GRID2: variants seen among roughly 807,000 people sequenced by gnomAD.
GRID2 encodes glutamate ionotropic receptor delta type subunit 2.
Under a neutral mutation model 114.8 loss-of-function variants are expected in GRID2, and 33 were observed. The observed-to-expected ratio is 0.29, with a 90% CI of 0.22 to 0.38. GRID2 has a LOEUF of 0.38. GRID2 is among the 10% of genes least tolerant of loss of function. GRID2 has a pLI of 1.00. For synonymous variants in GRID2, 505 were observed against 449.9 expected (o/e 1.12, Z -1.55); for missense variants, 1,184 against 1,257.7 (o/e 0.94, Z 0.89).
chr4:93,015,722 G>C (rs1050844043), intron 2 of GRID2, among the ~76,000 whole-genome samples: 21 of 151,942 alleles, frequency 1.4e-4, no homozygotes, highest in Admixed American at 1.3e-3. Context: ...CTAAACTCAA[G>C]CTCCTTTAAG....
intron 1 of GRID2, among the ~76,000 whole-genome samples, chr4:92,372,517 A>G (rs755631644): frequency 5.3e-5 from 8 of 152,218 alleles, no homozygotes; most frequent in Admixed American, 3.3e-4. Flanking sequence ...TTTAAAATTA[A>G]GGTATTTAAA....
At chr4:92,456,640 GATCTA>G (rs1360234674) in intron 1 of GRID2, among the ~76,000 whole-genome samples, 1 of 152,050 alleles carries the variant, frequency 6.6e-6, no homozygotes, top group African/African-American at 2.4e-5. Flanking sequence ...AATCTAAAAA[GATCTA>G]ATCTATGTAT....
chr4:93,199,395 T>C (rs1741844859), intron 4 of GRID2, among the ~76,000 whole-genome samples: 1 of 152,208 alleles, frequency 6.6e-6, no homozygotes, highest in Non-Finnish European at 1.5e-5. Flanking sequence ...GCAGTCTATC[T>C]CTTGCATTAC....
chr4:92,423,883 A>G (rs1292443036), intron 1 of GRID2, among the ~76,000 whole-genome samples: 1 of 152,118 alleles, frequency 6.6e-6, no homozygotes, highest in Non-Finnish European at 1.5e-5. Flanking sequence ...ACAATTAGTC[A>G]AATTGTTAGA....
intron 13 of GRID2, among the ~76,000 whole-genome samples, chr4:93,530,029 C>T (rs1731290370): frequency 1.3e-5 from 2 of 152,102 alleles, no homozygotes; most frequent in African/African-American, 2.4e-5. Flanking sequence ...ATTTTCATTG[C>T]CTTCATCTTT....
Position 92,485,049 on chromosome 4 carries a change from AT to A in GRID2, c.89-105078del, listed in dbSNP as rs556114746. 1.1e-4 allele frequency among the ~76,000 whole-genome samples: 17 copies of A among 151,418 alleles called. No individual in the cohort carries two copies. The South Asian group carries it at 3.1e-3, about 28-fold the overall frequency. ...TTTAAGTGGCTGCTACAGGCAGGTCATTTTGTTATTGTTATTTTTATAATTT... is the reference window on the plus strand; with the variant it reads ...TTTAAGTGGCTGCTACAGGCAGGTCATTTGTTATTGTTATTTTTATAATTT... On this transcript the variant is annotated intron_variant, in intron 1 of 15. Coordinates refer to ENST00000282020, the MANE Select transcript of GRID2 (RefSeq NM_001510.4).
intron 12 of GRID2, among the ~76,000 whole-genome samples, chr4:93,498,591 A>G (rs1727789292): frequency 6.6e-6 from 1 of 151,758 alleles, no homozygotes; most frequent in Non-Finnish European, 1.5e-5. Context: ...TCTTACTTCT[A>G]GGGGTTTTTG....
intron 14 of GRID2, among the ~76,000 whole-genome samples, chr4:93,742,728 G>T (rs1731522636): frequency 6.6e-6 from 1 of 152,142 alleles, no homozygotes; most frequent in South Asian, 2.1e-4. Flanking sequence ...CAGTCAATAA[G>T]TGTTATGTGG....
intron 2 of GRID2, among the ~76,000 whole-genome samples, chr4:93,022,027 G>A (rs1286833132): frequency 1.3e-5 from 2 of 151,290 alleles, no homozygotes; most frequent in African/African-American, 4.8e-5. Flanking sequence ...AAATTGGCAA[G>A]CCAGAAATAC....
intron 2 of GRID2, among the ~76,000 whole-genome samples, chr4:93,059,168 T>G (rs982398432): frequency 6.6e-6 from 1 of 152,084 alleles, no homozygotes; most frequent in Non-Finnish European, 1.5e-5. Flanking sequence ...TTGATAACAT[T>G]TGAAATGCAT....
chr4:93,803,446 G>A (rs980613005), intron 1 of GRID2, among the ~76,000 whole-genome samples: 21 of 152,066 alleles, frequency 1.4e-4, no homozygotes, highest in Middle Eastern at 3.4e-3. Context: ...TTTTTTGGCC[G>A]GGTGCGGTGG....
chr4:92,540,897 T>C (rs1725908133), intron 1 of GRID2, among the ~76,000 whole-genome samples: 1 of 152,180 alleles, frequency 6.6e-6, no homozygotes, highest in South Asian at 2.1e-4. Flanking sequence ...CCAACCCAAA[T>C]GTCCAACAAT....
intron 3 of GRID2, among the ~76,000 whole-genome samples, chr4:93,096,819 G>GA (rs1341900528): frequency 6.6e-6 from 1 of 151,716 alleles, no homozygotes; most frequent in African/African-American, 2.4e-5. Context: ...TTTCACTCCA[G>GA]AAAAATGAGA....
intron 13 of GRID2, among the ~76,000 whole-genome samples, chr4:93,596,038 A>T (rs745499821): frequency 3.9e-5 from 6 of 152,188 alleles, no homozygotes; most frequent in Non-Finnish European, 7.3e-5. Context: ...TTTATTCTAC[A>T]TCTGTGTGGC....
chr4:93,348,027 G>A (rs907097254), intron 8 of GRID2, among the ~76,000 whole-genome samples: 2 of 152,052 alleles, frequency 1.3e-5, no homozygotes, highest in African/African-American at 4.8e-5. Flanking sequence ...ATATACTTGT[G>A]AAATGTTTCA....
At chr4:93,229,574 A>G (rs1262725463) in intron 7 of GRID2, among the ~76,000 whole-genome samples, 3 of 152,304 alleles carry the variant, frequency 2.0e-5, no homozygotes, top group Non-Finnish European at 2.9e-5. Flanking sequence ...TATGATGGGA[A>G]TATTCTAGTG....
At chr4:92,413,282 A>T (rs889626973) in intron 1 of GRID2, among the ~76,000 whole-genome samples, 3 of 152,122 alleles carry the variant, frequency 2.0e-5, no homozygotes, top group African/African-American at 7.2e-5. Context: ...CATTGATTGT[A>T]TACAGGCTTA....
chr4:93,027,673 A>T (rs192294904), intron 2 of GRID2, among the ~76,000 whole-genome samples: 150 of 152,276 alleles, frequency 9.9e-4, no homozygotes, highest in African/African-American at 3.5e-3. Context: ...AGAAATTGAT[A>T]AACATTTTTT....
rs1289975664 is a variant in GRID2 at position 93,679,869 on chromosome 4, T to C, written c.2360+53434T>C. Among the ~76,000 whole-genome samples the C allele has an allele frequency of 1.7e-4, 26 of 150,740 alleles. 2 individuals carry two copies. The highest frequency in any genetic ancestry group is 4.7e-4 in the African/African-American group (19 of 40,550). On this transcript the variant is annotated intron_variant, in intron 14 of 15. Coordinates refer to ENST00000282020, the MANE Select transcript of GRID2 (RefSeq NM_001510.4). ...ACCCTAACATCACAATTAAAAGAAC[T>C]AGAAAAGCAAGAGCAAACACATTCA...
Sources: gnomAD v4.1 joint callset for allele counts (sites outside exome capture counted in the v4.1 genomes callset) on GRCh38, gnomAD v4.1.1 for gene constraint, MANE v1.5 for transcripts, NCBI Gene and HGNC (gene_info 2026-07-23, HGNC 2026-07-21) for gene names.